Variants in NLRP5 observed in about 807,000 individuals in gnomAD.
NLRP5 encodes NLR family pyrin domain containing 5.
NLRP5 carries 93 observed loss-of-function variants against 113.1 expected under a neutral mutation model. The ratio of observed to expected loss-of-function variants is 0.82; its 90% CI spans 0.70 to 0.98. NLRP5 has a LOEUF of 0.98. Among genes scored for constraint, NLRP5 ranks in the 50% least tolerant of loss-of-function variants. The pLI is 0.00. For missense variants in NLRP5, 1,808 were observed against 1,514.3 expected (o/e 1.19, Z -3.22); for synonymous variants, 751 against 600.7 (o/e 1.25, Z -3.66).
At chr19:56,040,805 C>G (rs1469522420) in intron 10 of NLRP5, 117 bp from the exon 11 acceptor site, 1 of 824,028 alleles carries the variant, frequency 1.2e-6, no homozygotes, top group African/African-American at 1.7e-5. Context: ...CACCATATGT[C>G]TGCAAGGACA....
chr19:56,007,896 CGCGCGTGCGTGTGTGTGT>C lies in NLRP5; in HGVS notation c.443-890_443-873del, dbSNP rs1166940277. 1.6e-4 allele frequency among the ~76,000 whole-genome samples: 16 copies of C among 97,898 alleles called. 1 individual carries two copies. Among genetic ancestry groups the C allele is most frequent in the Non-Finnish European group, 3.1e-4 (13 of 42,364 alleles). 64.2% of individuals were successfully genotyped at this position (97,898 alleles called of 152,430 possible). A position where few individuals can be genotyped will look rare whatever the true frequency, so the allele number is the denominator to read the frequency against. On this transcript the variant is annotated intron_variant, in intron 2 of 14. Transcript: ENST00000390649. Reference sequence around the variant, plus strand: ...GTGTGTGTGTGTGTGTGTGCGCGTGCGCGCGTGCGTGTGTGTGTGTGTGTGTGTGTGTGTGTGTTTGAA... The same window carrying C: ...GTGTGTGTGTGTGTGTGTGCGCGTGCGTGTGTGTGTGTGTGTGTGTTTGAA...
At position 56,050,487 on chromosome 19, in the gene NLRP5, G is replaced by A. The variant is rs548512058; in HGVS notation, c.3027G>A (p.Trp1009Ter). ...CACTTGCGCTTATGGGTAACTCATG[G>A]CTGACGCACCTGAGCCTTAGCATGA... The change falls in exon 12 of 15, where the codon TGG becomes TGA. Residue 1009 changes from tryptophan to a stop codon, truncating the protein, a stop_gained. Transcript: ENST00000390649. LOFTEE classifies it high-confidence loss of function. 7 of 1,613,908 alleles carry A rather than the reference G, an allele frequency of 4.3e-6. No homozygotes were observed. The highest frequency in any genetic ancestry group is 5.9e-6 in the Non-Finnish European group (7 of 1,179,862).
chr19:56,035,967 G>A (rs1242940361), intron 9 of NLRP5, among the ~76,000 whole-genome samples: 5 of 151,676 alleles, frequency 3.3e-5, no homozygotes, highest in Non-Finnish European at 7.4e-5. Context: ...TGAATGAAAC[G>A]AGATTCTTTG....
At chr19:56,011,060 G>C (rs1357469222) in intron 3 of NLRP5, among the ~76,000 whole-genome samples, 2 of 151,858 alleles carry the variant, frequency 1.3e-5, no homozygotes, top group African/African-American at 2.4e-5. Context: ...GCTGAGGCAG[G>C]AGGATTGCTT....
chr19:56,055,440 A>G (rs1984095363), intron 13 of NLRP5, among the ~76,000 whole-genome samples: 2 of 150,444 alleles, frequency 1.3e-5, no homozygotes, highest in African/African-American at 4.9e-5. Context: ...TGATTTTATT[A>G]AACTTTATCT....
intron 6 of NLRP5, among the ~76,000 whole-genome samples, chr19:56,024,719 C>G (rs1350743619): frequency 6.6e-6 from 1 of 151,398 alleles, no homozygotes; most frequent in Admixed American, 6.6e-5. Flanking sequence ...GATCACGCTG[C>G]TGCACTCCAG....
At chr19:56,033,103 T>C (rs1409845198) in intron 8 of NLRP5, among the ~76,000 whole-genome samples, 1 of 151,748 alleles carries the variant, frequency 6.6e-6, no homozygotes, top group African/African-American at 2.4e-5. Context: ...AAAAAAAAAT[T>C]AGCAGGGCAT....
the NLRP5 span, among the ~76,000 whole-genome samples, chr19:55,990,900 C>G: frequency 6.6e-6 from 1 of 152,116 alleles, no homozygotes; most frequent in East Asian, 1.9e-4. Flanking sequence ...AGGAGAATCA[C>G]TTGAACCCAG....
chr19:56,031,324 C>T (rs577780997), intron 7 of NLRP5, among the ~76,000 whole-genome samples: 1 of 152,224 alleles, frequency 6.6e-6, no homozygotes, highest in Non-Finnish European at 1.5e-5. Flanking sequence ...CTATTTTAGA[C>T]ATTTCAAAGT....
At chr19:55,987,777 T>A in the NLRP5 span, 4 of 1,502,578 alleles carry the variant, frequency 2.7e-6, no homozygotes, top group Non-Finnish European at 3.7e-6. Context: ...CCTCAGAAAA[T>A]AACCTCAACC....
intron 11 of NLRP5, among the ~76,000 whole-genome samples, chr19:56,049,152 A>AT (rs1260877131): frequency 9.2e-6 from 1 of 108,824 alleles, no homozygotes; most frequent in African/African-American, 2.9e-5. Context: ...CAGCTAACTT[A>AT]TTTTTTATTT....
chr19:56,020,557 G>A, intron 6 of NLRP5, 126 bp downstream of exon 6: 1 of 1,070,196 alleles, frequency 9.3e-7, no homozygotes, highest in Non-Finnish European at 1.4e-6. Context: ...TTTGTCTCTG[G>A]TGTCAACCCC....
Position 56,052,678 on chromosome 19 carries a change from C to T in NLRP5, c.3129-960C>T, listed in dbSNP as rs545204564. On this transcript the variant is annotated intron_variant, in intron 12 of 14. Transcript: ENST00000390649. ...CCAAGCTGAAGACAGACTTGGAGGC[C>T]GTTTCAGTCATTTCTCCTGCGATAA... Among the ~76,000 whole-genome samples, 5 of 152,290 alleles carry T rather than the reference C, an allele frequency of 3.3e-5. No individual in the cohort carries two copies. The East Asian group carries it at 5.8e-4, about 18-fold the overall frequency.
At chr19:55,988,178 G>T in the NLRP5 span, 1 of 238,690 alleles carries the variant, frequency 4.2e-6, no homozygotes, top group Admixed American at 5.4e-5. Context: ...GATTACCTGA[G>T]GTCAGGAGTT....
chr19:56,026,295 G>A (rs1366457397), intron 6 of NLRP5, among the ~76,000 whole-genome samples: 1 of 151,794 alleles, frequency 6.6e-6, no homozygotes, highest in Non-Finnish European at 1.5e-5. Context: ...TTGGGAGGCC[G>A]AGGTGGGTAC....
intron 1 of NLRP5, among the ~76,000 whole-genome samples, chr19:56,003,005 G>A (rs1315759713): frequency 1.3e-5 from 2 of 150,448 alleles, no homozygotes; most frequent in Non-Finnish European, 2.9e-5. Flanking sequence ...TACACTGTTG[G>A]TGGGACCGTA....
chr19:55,990,092 T>TTTC, the NLRP5 span, among the ~76,000 whole-genome samples: 24 of 72,476 alleles, frequency 3.3e-4, no homozygotes, highest in East Asian at 4.3e-3. Flanking sequence ...TTTTTTTTTT[T>TTTC]TTTTTTTTTT....
intron 11 of NLRP5, among the ~76,000 whole-genome samples, chr19:56,045,795 A>G (rs899035919): frequency 3.3e-5 from 5 of 152,202 alleles, no homozygotes; most frequent in Admixed American, 2.6e-4. Flanking sequence ...GGGAGGGGTC[A>G]CAGGGCACAA....
At chr19:56,005,744 G>A (rs73934615) in intron 2 of NLRP5, among the ~76,000 whole-genome samples, 3,769 of 152,244 alleles carry the variant, frequency 0.025, 142 homozygotes, top group African/African-American at 0.085. Context: ...TTGGAAAAAA[G>A]GCCCAGTGTG....
Sources: gnomAD v4.1 joint callset for allele counts (sites outside exome capture counted in the v4.1 genomes callset) on GRCh38, gnomAD v4.1.1 for gene constraint, MANE v1.5 for transcripts, NCBI Gene and HGNC (gene_info 2026-07-23, HGNC 2026-07-21) for gene names.